The following FSTL5 variants were observed in gnomAD, a reference collection of about 807,000 sequenced individuals.
The protein encoded by FSTL5 is follistatin like 5, also known as follistatin-related protein 5.
Under a neutral mutation model 89.1 loss-of-function variants are expected in FSTL5, and 62 were observed. The ratio of observed to expected loss-of-function variants is 0.70; its 90% CI spans 0.57 to 0.86. The LOEUF (loss-of-function observed/expected upper bound fraction) is 0.86. FSTL5 is among the 40% of genes least tolerant of loss of function. The probability of loss-of-function intolerance (pLI) is 0.00; values close to 1 mark genes in which losing one functional copy is unlikely to be tolerated. For missense variants in FSTL5, 1,057 were observed against 1,001.6 expected (o/e 1.06, Z -0.75); for synonymous variants, 383 against 346.2 (o/e 1.11, Z -1.18).
At chr4:161,979,714 T>C (rs754934937) in intron 3 of FSTL5, among the ~76,000 whole-genome samples, 9 of 152,168 alleles carry the variant, frequency 5.9e-5, no homozygotes, top group Non-Finnish European at 1.0e-4. Context: ...ATGTTACTTT[T>C]CTCTCAGTAT....
At chr4:161,744,424 T>C (rs935396121) in intron 6 of FSTL5, among the ~76,000 whole-genome samples, 2 of 152,174 alleles carry the variant, frequency 1.3e-5, no homozygotes, top group African/African-American at 4.8e-5. Flanking sequence ...TAAGATGGCT[T>C]AGCACCAATA....
chr4:161,538,099 T>TA, intron 10 of FSTL5, 67 bp downstream of exon 10: 1 of 1,525,032 alleles, frequency 6.6e-7, no homozygotes, highest in Non-Finnish European at 9.0e-7. Context: ...CTTTACTTTT[T>TA]AAAAAAAGCT....
chr4:161,953,344 T>C (rs1039693312), intron 3 of FSTL5, among the ~76,000 whole-genome samples: 1 of 151,478 alleles, frequency 6.6e-6, no homozygotes, highest in Non-Finnish European at 1.5e-5. Flanking sequence ...ATAAATATTA[T>C]AAAACTTTTA....
intron 10 of FSTL5, among the ~76,000 whole-genome samples, chr4:161,514,782 CA>C (rs1222898537): frequency 1.3e-5 from 2 of 151,782 alleles, no homozygotes; most frequent in Non-Finnish European, 2.9e-5. Context: ...AAATCAGTCC[CA>C]AAAGATTAAA....
At chr4:161,737,477 C>T (rs1335421791) in intron 6 of FSTL5, among the ~76,000 whole-genome samples, 1 of 151,942 alleles carries the variant, frequency 6.6e-6, no homozygotes, top group Admixed American at 6.6e-5. Context: ...TTTAGATCAA[C>T]TATGCTACTT....
intron 4 of FSTL5, among the ~76,000 whole-genome samples, chr4:161,851,342 T>C (rs1298794517): frequency 6.6e-6 from 1 of 152,192 alleles, no homozygotes; most frequent in Non-Finnish European, 1.5e-5. Flanking sequence ...CTTTCAGAGT[T>C]TGTGTTATTA....
intron 1 of FSTL5, among the ~76,000 whole-genome samples, chr4:162,159,809 GT>G (rs994092206): frequency 1.3e-5 from 2 of 151,806 alleles, no homozygotes; most frequent in African/African-American, 4.8e-5. Context: ...CATCCATTTT[GT>G]TTTTTATTCC....
At chr4:161,495,692 T>C (rs1730042503) in intron 12 of FSTL5, among the ~76,000 whole-genome samples, 2 of 152,136 alleles carry the variant, frequency 1.3e-5, no homozygotes, top group African/African-American at 2.4e-5. Context: ...ATACTCTAAA[T>C]ATATCAGGTC....
intron 3 of FSTL5, among the ~76,000 whole-genome samples, chr4:161,929,201 C>T (rs359491): frequency 0.063 from 9,393 of 149,410 alleles, 807 homozygotes; most frequent in African/African-American, 0.19. Flanking sequence ...GCTTCAGCAC[C>T]ATTTGTTGAC....
intron 3 of FSTL5, among the ~76,000 whole-genome samples, chr4:161,994,140 T>C (rs766375811): frequency 6.6e-5 from 10 of 152,180 alleles, no homozygotes; most frequent in Admixed American, 1.3e-4. Flanking sequence ...AGTGAGAACA[T>C]GTGGTATTTG....
chr4:161,993,662 G>T (rs1736202692), intron 3 of FSTL5, among the ~76,000 whole-genome samples: 1 of 152,090 alleles, frequency 6.6e-6, no homozygotes, highest in East Asian at 1.9e-4. Context: ...CACAAAGAAA[G>T]ACTTTTAAAA....
At chr4:162,071,851 C>T (rs998988941) in intron 2 of FSTL5, among the ~76,000 whole-genome samples, 2 of 151,608 alleles carry the variant, frequency 1.3e-5, no homozygotes, top group African/African-American at 2.4e-5. Flanking sequence ...GAAAACTGTA[C>T]AATACATATA....
chr4:162,022,936 G>T (rs938767779), intron 3 of FSTL5: 3 of 152,184 alleles, frequency 2.0e-5, no homozygotes, highest in Non-Finnish European at 4.4e-5. Flanking sequence ...AGGGTTAGAA[G>T]ATGGGAGGAG....
At chr4:161,569,680 G>A (rs1453049131) in intron 8 of FSTL5, among the ~76,000 whole-genome samples, 4 of 151,838 alleles carry the variant, frequency 2.6e-5, no homozygotes, top group Admixed American at 6.6e-5. Flanking sequence ...GCTGGATAAA[G>A]TTTATTTAAG....
At chr4:161,606,283 C>T (rs992879785) in intron 7 of FSTL5, among the ~76,000 whole-genome samples, 2 of 136,940 alleles carry the variant, frequency 1.5e-5, no homozygotes, top group African/African-American at 5.4e-5. Flanking sequence ...CTCACGCTGA[C>T]GCCAGGCTGG....
At chr4:161,709,528 C>T (rs1439844216) in intron 6 of FSTL5, among the ~76,000 whole-genome samples, 1 of 152,110 alleles carries the variant, frequency 6.6e-6, no homozygotes, top group Non-Finnish European at 1.5e-5. Context: ...TTGGCTGGTG[C>T]AGTGGCTCAC....
chr4:161,906,299 C>T (rs550032192), intron 4 of FSTL5, among the ~76,000 whole-genome samples: 16 of 152,114 alleles, frequency 1.1e-4, no homozygotes, highest in South Asian at 6.2e-4. Context: ...GGAGGAACAA[C>T]GGCACCATTG....
At chr4:161,524,617 AT>A (rs764743139) in intron 10 of FSTL5, among the ~76,000 whole-genome samples, 12 of 151,936 alleles carry the variant, frequency 7.9e-5, no homozygotes, top group Non-Finnish European at 1.8e-4. Context: ...TATTGTAAAT[AT>A]TTTTTATGAT....
intron 2 of FSTL5, among the ~76,000 whole-genome samples, chr4:162,102,089 T>G (rs748509553): frequency 6.6e-6 from 1 of 152,144 alleles, no homozygotes; most frequent in Non-Finnish European, 1.5e-5. Flanking sequence ...GATTTAGGTG[T>G]GTTGATTGTT....
Sources: gnomAD v4.1 joint callset for allele counts (sites outside exome capture counted in the v4.1 genomes callset) on GRCh38, gnomAD v4.1.1 for gene constraint, MANE v1.5 for transcripts, NCBI Gene and HGNC (gene_info 2026-07-23, HGNC 2026-07-21) for gene names.